The following KIAA1328 variants were observed in gnomAD, a reference collection of about 807,000 sequenced individuals.
KIAA1328 encodes the protein KIAA1328.
Under a neutral mutation model 68.1 loss-of-function variants are expected in KIAA1328, and 52 were observed. The ratio of observed to expected loss-of-function variants is 0.76; its 90% CI spans 0.61 to 0.96. The LOEUF is 0.96. Among genes scored for constraint, KIAA1328 ranks in the 40% least tolerant of loss-of-function variants. The pLI, the probability that KIAA1328 is intolerant of heterozygous loss-of-function variation, is 0.00. For missense variants in KIAA1328, 641 were observed against 677.6 expected, an observed-to-expected ratio of 0.95 and a Z score of 0.60; for synonymous variants, 232 against 239.4, an observed-to-expected ratio of 0.97 and a Z score of 0.28.
intron 7 of KIAA1328, among the ~76,000 whole-genome samples, chr18:37,084,609 A>G (rs2057048640): frequency 6.6e-6 from 1 of 151,160 alleles, no homozygotes; most frequent in Non-Finnish European, 1.5e-5. Flanking sequence ...GAAAACATTA[A>G]TTCATTCAAC....
rs557473589 is a variant in KIAA1328, at chr18:36,956,402, G to T, written c.449-2906G>T. 3.9e-5 allele frequency among the ~76,000 whole-genome samples: 6 copies of T among 152,094 alleles called. No individual in the cohort carries two copies. In the South Asian group the frequency reaches 1.2e-3, roughly 32 times the overall value. Reference sequence around the variant, plus strand: ...CTATTTCATTCTTTTCTGTCATTCGGCCAGGATTGAGTTAAATATATGTTC... The same window carrying T: ...CTATTTCATTCTTTTCTGTCATTCGTCCAGGATTGAGTTAAATATATGTTC... On this transcript the variant is annotated intron_variant, in intron 5 of 9. Transcript: ENST00000280020.
At chr18:36,891,306 ATTATT>A (rs1309562883) in intron 5 of KIAA1328, among the ~76,000 whole-genome samples, 1 of 152,180 alleles carries the variant, frequency 6.6e-6, no homozygotes, top group Non-Finnish European at 1.5e-5. Context: ...AATTGTTTTA[ATTATT>A]TTATTTCACT....
At chr18:36,888,477 T>C (rs545410188) in intron 5 of KIAA1328, among the ~76,000 whole-genome samples, 2 of 152,210 alleles carry the variant, frequency 1.3e-5, no homozygotes, top group Non-Finnish European at 2.9e-5. Context: ...GAATTTGGCC[T>C]AAGCATTTCT....
Position 36,847,759 on chromosome 18 carries a change from T to C in KIAA1328, c.332+3457T>C, listed in dbSNP as rs2150825264. Among the ~76,000 whole-genome samples, 3 of 151,734 alleles carry C rather than the reference T, an allele frequency of 2.0e-5. No individual in the cohort carries two copies. The Middle Eastern group carries it at 0.01, about 516-fold the overall frequency. On this transcript the variant is annotated intron_variant, in intron 4 of 9. Coordinates refer to ENST00000280020, the MANE Select transcript of KIAA1328 (RefSeq NM_020776.3). ...TCTTGACAAAGTTCAGTTTATCAATTTTTTCCTTTTGTGGTCCAGGCTTTT... is the reference window on the plus strand; with the variant it reads ...TCTTGACAAAGTTCAGTTTATCAATCTTTTCCTTTTGTGGTCCAGGCTTTT...
At chr18:36,926,383 C>CTCTTTATT (rs1264506173) in intron 5 of KIAA1328, among the ~76,000 whole-genome samples, 19 of 147,134 alleles carry the variant, frequency 1.3e-4, no homozygotes, top group African/African-American at 4.2e-4. Flanking sequence ...CTCTCTCTCT[C>CTCTTTATT]TATTTATTTA....
rs112049896 is a variant in KIAA1328 at position 36,856,080 on chromosome 18, G to A, written c.332+11778G>A. Among the ~76,000 whole-genome samples, 1,274 of 151,928 alleles carry A rather than the reference G, an allele frequency of 8.4e-3. 20 individuals are homozygous for A. The highest frequency in any genetic ancestry group is 0.029 in the African/African-American group (1,192 of 41,440). On this transcript the variant is annotated intron_variant, in intron 4 of 9. Coordinates refer to ENST00000280020, the MANE Select transcript of KIAA1328 (RefSeq NM_020776.3). ...TTATTGAAGATTCCTTGTGTATGAC[G>A]AATCATTTCCCTCTTGTTGTTTTTA...
intron 9 of KIAA1328, among the ~76,000 whole-genome samples, chr18:37,196,301 G>A (rs1599566730): frequency 6.6e-6 from 1 of 152,046 alleles, no homozygotes; most frequent in South Asian, 2.1e-4. Flanking sequence ...AATTGCTCTG[G>A]CTAAGACTTC....
chr18:37,130,853 T>A (rs917822842), intron 7 of KIAA1328, among the ~76,000 whole-genome samples: 1 of 152,210 alleles, frequency 6.6e-6, no homozygotes, highest in African/African-American at 2.4e-5. Context: ...TACACTGATT[T>A]TTTTCTAGAT....
chr18:36,975,700 C>T (rs1385837263), intron 6 of KIAA1328, among the ~76,000 whole-genome samples: 1 of 152,158 alleles, frequency 6.6e-6, no homozygotes, highest in Non-Finnish European at 1.5e-5. Context: ...ATTTTAATCC[C>T]TCTTGCCAAC....
At chr18:36,973,808 C>T (rs918677753) in intron 6 of KIAA1328, among the ~76,000 whole-genome samples, 20 of 122,952 alleles carry the variant, frequency 1.6e-4, no homozygotes, top group Admixed American at 8.9e-5. Flanking sequence ...TGTGTGTACG[C>T]ACATACACAC....
rs115998329 is a variant in KIAA1328, at chr18:36,876,066, G to C, written c.333-9491G>C. Among the ~76,000 whole-genome samples, 764 of 152,254 alleles carry C rather than the reference G, an allele frequency of 5.0e-3. 2 individuals are homozygous for C. Among genetic ancestry groups the C allele is most frequent in the African/African-American group, 0.018 (740 of 41,544 alleles). ...TTTAATGTGCTAGTGGATTCAGTTT[G>C]CCAGTATTTTACTGAGGATTTTCCC... On this transcript the variant is annotated intron_variant, in intron 4 of 9. Coordinates refer to ENST00000280020, the MANE Select transcript of KIAA1328 (RefSeq NM_020776.3).
At chr18:37,057,116 T>C (rs1351622767) in intron 6 of KIAA1328, among the ~76,000 whole-genome samples, 1 of 152,166 alleles carries the variant, frequency 6.6e-6, no homozygotes, top group African/African-American at 2.4e-5. Context: ...TTTTATTACA[T>C]AGAAAAAAAT....
chr18:37,012,263 A>G (rs2054004861), intron 6 of KIAA1328, among the ~76,000 whole-genome samples: 1 of 152,190 alleles, frequency 6.6e-6, no homozygotes, highest in Non-Finnish European at 1.5e-5. Flanking sequence ...CACCCAGGAA[A>G]CTAGAGAATA....
intron 5 of KIAA1328, among the ~76,000 whole-genome samples, chr18:36,909,006 G>C (rs1050056623): frequency 1.3e-5 from 2 of 152,092 alleles, no homozygotes; most frequent in African/African-American, 4.8e-5. Flanking sequence ...TTTGGTCCCA[G>C]TTCTTTTTCT....
chr18:37,105,916 CAA>C (rs58940699), intron 7 of KIAA1328, among the ~76,000 whole-genome samples: 14 of 19,504 alleles, frequency 7.2e-4, no homozygotes, highest in Non-Finnish European at 1.1e-3. Context: ...GACTCTGTGT[CAA>C]AAAAAAAAAA....
chr18:37,130,503 A>T (rs979672985), intron 7 of KIAA1328, among the ~76,000 whole-genome samples: 1 of 152,144 alleles, frequency 6.6e-6, no homozygotes, highest in Non-Finnish European at 1.5e-5. Flanking sequence ...CTGTAATCCC[A>T]GCTACTCAGG....
At chr18:37,074,291 C>T (rs918009969) in intron 7 of KIAA1328, among the ~76,000 whole-genome samples, 1 of 152,176 alleles carries the variant, frequency 6.6e-6, no homozygotes, top group African/African-American at 2.4e-5. Context: ...GGGAAACTCA[C>T]CACATTGTTG....
intron 4 of KIAA1328, among the ~76,000 whole-genome samples, chr18:36,869,414 G>T (rs1180916641): frequency 1.3e-5 from 2 of 152,104 alleles, no homozygotes; most frequent in African/African-American, 2.4e-5. Context: ...GACCTTGCTA[G>T]ATCTACTCAG....
chr18:36,886,564 A>G (rs59010998), intron 5 of KIAA1328, among the ~76,000 whole-genome samples: 12,014 of 151,890 alleles, frequency 0.079, 1,579 homozygotes, highest in African/African-American at 0.27. Context: ...AGATAAAGTA[A>G]AAACATATTT....
Sources: allele counts gnomAD v4.1 joint callset (sites outside exome capture counted in the v4.1 genomes callset), GRCh38; gene constraint gnomAD v4.1.1; transcripts MANE v1.5; gene names NCBI Gene and HGNC (gene_info 2026-07-23, HGNC 2026-07-21).